NRXN1: variants seen among roughly 807,000 people sequenced by gnomAD.
NRXN1 encodes neurexin-1.
A neutral mutation model predicts 150.9 loss-of-function variants in NRXN1; 39 were observed. The ratio of observed to expected loss-of-function variants is 0.26; its 90% CI spans 0.20 to 0.34. The LOEUF (loss-of-function observed/expected upper bound fraction) is 0.34. Among genes scored for constraint, NRXN1 ranks in the 10% least tolerant of loss-of-function variants. The pLI is 1.00. For missense variants in NRXN1, 1,815 were observed against 1,949.9 expected, an observed-to-expected ratio of 0.93 and a Z score of 1.30; for synonymous variants, 924 against 757.0, an observed-to-expected ratio of 1.22 and a Z score of -3.62.
At chr2:50,714,996 C>G (rs922983995) in intron 5 of NRXN1, among the ~76,000 whole-genome samples, 1 of 152,078 alleles carries the variant, frequency 6.6e-6, no homozygotes, top group African/African-American at 2.4e-5. Context: ...TGACCCATAA[C>G]ATCCCCAAAG....
intron 5 of NRXN1, among the ~76,000 whole-genome samples, chr2:50,779,676 G>A (rs1485777482): frequency 3.3e-5 from 5 of 152,140 alleles, no homozygotes; most frequent in African/African-American, 1.2e-4. Context: ...GCTGAGGCAG[G>A]AGAATGGCGT....
In NRXN1 at chr2:50,558,798, G is replaced by T. The variant is rs1168495766; in HGVS notation, c.1321-5773C>A. 2.6e-5 allele frequency among the ~76,000 whole-genome samples: 4 copies of T among 152,256 alleles called. No homozygotes were observed. The East Asian group carries it at 5.8e-4, about 22-fold the overall frequency. ...GTGAAGGCCGAGCGCAGTGGCTCAGGCCTGTAATCCCAGCACTTTGGGAGG... is the reference window on the plus strand; with the variant it reads ...GTGAAGGCCGAGCGCAGTGGCTCAGTCCTGTAATCCCAGCACTTTGGGAGG... On this transcript the variant is annotated intron_variant, in intron 8 of 22. Transcript: ENST00000401669.
At chr2:50,506,677 C>T in intron 12 of NRXN1, 60 bp from the exon 13 acceptor site, 4 of 1,573,306 alleles carry the variant, frequency 2.5e-6, no homozygotes, top group Non-Finnish European at 3.5e-6. Flanking sequence ...AAATGAACCT[C>T]ACAGAGAGTG....
intron 19 of NRXN1, among the ~76,000 whole-genome samples, chr2:50,076,802 T>C (rs10490244): frequency 0.27 from 41,134 of 152,018 alleles, 5,917 homozygotes; most frequent in East Asian, 0.4. Context: ...AACACTATTA[T>C]GAGAATGCTT....
chr2:50,702,056 T>A (rs1271953010), intron 5 of NRXN1, among the ~76,000 whole-genome samples: 1 of 152,110 alleles, frequency 6.6e-6, no homozygotes, highest in African/African-American at 2.4e-5. Flanking sequence ...TAATTGGGTT[T>A]CCAAAAAGAT....
intron 18 of NRXN1, among the ~76,000 whole-genome samples, chr2:50,126,280 CT>C (rs1375126859): frequency 2.0e-5 from 3 of 151,908 alleles, no homozygotes; most frequent in Admixed American, 6.6e-5. Context: ...CCTTTCCTAT[CT>C]TTTTTTTCTG....
chr2:50,860,978 A>G (rs1574739321), intron 5 of NRXN1, among the ~76,000 whole-genome samples: 1 of 152,118 alleles, frequency 6.6e-6, no homozygotes, highest in East Asian at 1.9e-4. Context: ...TTGACATGTT[A>G]TAAGCAATAA....
rs1217024484 is a variant in NRXN1, at chr2:50,017,713, ATCATCTAATGAC to A, written c.4128+35546_4128+35557del. On this transcript the variant is annotated intron_variant, in intron 21 of 22. Coordinates refer to ENST00000401669, the MANE Select transcript of NRXN1 (RefSeq NM_001330078.2). ...TACGCGAACCCTGATATTATCAGAT[ATCATCTAATGAC>A]TCATCAATTCATACAGACCTTTAAG... 9.3e-5 allele frequency among the ~76,000 whole-genome samples: 14 copies of A among 149,930 alleles called. 1 individual carries two copies. Among genetic ancestry groups the A allele is most frequent in the Non-Finnish European group, 2.1e-4 (14 of 67,790 alleles).
In NRXN1 at chr2:50,348,472, G is replaced by T. The variant is rs115844708; in HGVS notation, c.3365-111502C>A. Among the ~76,000 whole-genome samples, 316 of 152,314 alleles carry T rather than the reference G, an allele frequency of 2.1e-3. 3 individuals are homozygous for T. Among genetic ancestry groups the T allele is most frequent in the African/African-American group, 7.2e-3 (298 of 41,554 alleles). On this transcript the variant is annotated intron_variant, in intron 17 of 22. Transcript: ENST00000401669. ...TTTAGGAATATTTAAGATCTTCCAA[G>T]ATCTCTATAGAAGCCCCGCTGTGAT... is the stretch of plus-strand genomic sequence containing the variant.
chr2:50,249,111 C>T (rs191090091), intron 17 of NRXN1, among the ~76,000 whole-genome samples: 1,981 of 147,604 alleles, frequency 0.013, 28 homozygotes, highest in Non-Finnish European at 0.021. Context: ...GAGTTGTGAT[C>T]ACATCACTGC....
At chr2:49,939,506 A>G (rs1423465674) in intron 22 of NRXN1, among the ~76,000 whole-genome samples, 6 of 152,270 alleles carry the variant, frequency 3.9e-5, no homozygotes, top group Non-Finnish European at 7.4e-5. Context: ...TTATCATCCA[A>G]TGCTAACTGT....
intron 2 of NRXN1, among the ~76,000 whole-genome samples, chr2:51,014,673 C>T (rs1231976908): frequency 1.3e-5 from 2 of 151,944 alleles, no homozygotes; most frequent in African/African-American, 4.8e-5. Flanking sequence ...AGGATTTACG[C>T]AGCTATGATT....
At chr2:50,133,226 G>A (rs1203142228) in intron 18 of NRXN1, among the ~76,000 whole-genome samples, 1 of 152,214 alleles carries the variant, frequency 6.6e-6, no homozygotes, top group African/African-American at 2.4e-5. Context: ...TTCAATGCTT[G>A]AAGATGTAGG....
chr2:50,115,240 T>TATATATAC (rs1270800103), intron 18 of NRXN1, among the ~76,000 whole-genome samples: 7,220 of 133,558 alleles, frequency 0.054, 257 homozygotes, highest in Middle Eastern at 0.087. Context: ...TATATATATA[T>TATATATAC]ACACACACAC....
At chr2:50,311,771 G>A (rs751179337) in intron 17 of NRXN1, among the ~76,000 whole-genome samples, 3 of 151,988 alleles carry the variant, frequency 2.0e-5, no homozygotes, top group Non-Finnish European at 4.4e-5. Flanking sequence ...CTGTTTGCAG[G>A]GATATTTAGC....
intron 2 of NRXN1, among the ~76,000 whole-genome samples, chr2:50,928,692 G>A (rs1687286410): frequency 6.6e-6 from 1 of 151,900 alleles, no homozygotes; most frequent in South Asian, 2.1e-4. Flanking sequence ...GCTGAATTTT[G>A]GCATGCCACG....
intron 19 of NRXN1, among the ~76,000 whole-genome samples, chr2:50,070,753 G>T (rs868099954): frequency 7.8e-6 from 1 of 128,234 alleles, no homozygotes; most frequent in South Asian, 2.5e-4. Context: ...CTGGGCGACA[G>T]AGCGAGACTC....
intron 21 of NRXN1, among the ~76,000 whole-genome samples, chr2:50,038,468 G>C (rs942942678): frequency 3.9e-5 from 6 of 152,262 alleles, no homozygotes; most frequent in African/African-American, 1.4e-4. Flanking sequence ...TAACAACCAT[G>C]TAAGTGAGCT....
intron 17 of NRXN1, among the ~76,000 whole-genome samples, chr2:50,329,412 C>G (rs6736896): frequency 0.42 from 62,838 of 149,380 alleles, 16,357 homozygotes; most frequent in African/African-American, 0.74. Flanking sequence ...ATCTGGGAGG[C>G]CCATTGTGCT....
Sources: gnomAD v4.1 joint callset for allele counts (sites outside exome capture counted in the v4.1 genomes callset) on GRCh38, gnomAD v4.1.1 for gene constraint, MANE v1.5 for transcripts, NCBI Gene and HGNC (gene_info 2026-07-23, HGNC 2026-07-21) for gene names.